The following AP4E1 variants were observed in gnomAD, a reference collection of about 807,000 sequenced individuals.
AP4E1 encodes AP-4 complex subunit epsilon-1.
Under a neutral mutation model 128.2 loss-of-function variants are expected in AP4E1, and 56 were observed. That is an observed-to-expected ratio of 0.44 (90% CI 0.35 to 0.55). The LOEUF (loss-of-function observed/expected upper bound fraction) is 0.55. AP4E1 is among the 20% of genes least tolerant of loss of function. The probability of loss-of-function intolerance (pLI) is 0.00; values close to 1 mark genes in which losing one functional copy is unlikely to be tolerated. For synonymous variants in AP4E1, 484 were observed against 473.1 expected (o/e 1.02, Z -0.30); for missense variants, 1,324 against 1,307.7 (o/e 1.01, Z -0.19).
At position 50,956,500 on chromosome 15, in the gene AP4E1, A is replaced by G. The variant is rs577100556; in HGVS notation, c.1549-1992A>G. Among the ~76,000 whole-genome samples the G allele has an allele frequency of 2.6e-5, 4 of 152,316 alleles. No homozygotes were observed. In the East Asian group the frequency reaches 5.8e-4, roughly 22 times the overall value. On this transcript the variant is annotated intron_variant, in intron 13 of 20. Coordinates refer to ENST00000261842, the MANE Select transcript of AP4E1 (RefSeq NM_007347.5). Reference sequence around the variant, plus strand: ...TCCGAGACTGGGTAATTTATAAAGAAAAGAGGTTTAGTTGACTCACAGTTC... The same window carrying G: ...TCCGAGACTGGGTAATTTATAAAGAGAAGAGGTTTAGTTGACTCACAGTTC...
At chr15:50,980,492 C>T (rs905423377) in intron 15 of AP4E1, among the ~76,000 whole-genome samples, 1 of 152,130 alleles carries the variant, frequency 6.6e-6, no homozygotes, top group African/African-American at 2.4e-5. Context: ...AAATTTTCAG[C>T]CTGGCCATGT....
intron 15 of AP4E1, among the ~76,000 whole-genome samples, chr15:50,969,677 T>A (rs1231258188): frequency 2.0e-5 from 3 of 150,902 alleles, no homozygotes; most frequent in Non-Finnish European, 4.4e-5. Flanking sequence ...TTTTTTTTTT[T>A]AGACAGAGTC....
chr15:50,925,041 G>T, intron 4 of AP4E1, 57 bp from the exon 5 acceptor site: 1 of 1,605,464 alleles, frequency 6.2e-7, no homozygotes. Context: ...TGTTGAATTT[G>T]CCATTCCTAG....
chr15:51,002,071 G>A (rs1035115035), intron 20 of AP4E1, among the ~76,000 whole-genome samples: 1 of 152,070 alleles, frequency 6.6e-6, no homozygotes, highest in Admixed American at 6.6e-5. Flanking sequence ...AGTAGAGATG[G>A]GGTTTCACCA....
intron 14 of AP4E1, among the ~76,000 whole-genome samples, chr15:50,963,728 C>T (rs1417414857): frequency 2.0e-5 from 3 of 152,138 alleles, no homozygotes; most frequent in Non-Finnish European, 4.4e-5. Context: ...ATGTTCCCAA[C>T]ACAAATGATA....
intron 8 of AP4E1, among the ~76,000 whole-genome samples, chr15:50,936,832 G>C (rs1321633702): frequency 6.6e-6 from 1 of 152,048 alleles, no homozygotes; most frequent in Non-Finnish European, 1.5e-5. Flanking sequence ...TACTCGGGAG[G>C]CTGATGCAGG....
rs758212733 is a variant in AP4E1, at chr15:50,997,382, A to G, written c.2403A>G (p.Glu801=). The G allele has an allele frequency of 6.2e-7, 1 of 1,606,044 alleles. No homozygotes were observed. The highest frequency in any genetic ancestry group is 8.5e-7 in the Non-Finnish European group (1 of 1,177,610). The change falls in exon 18 of 21, where the codon GAA becomes GAG. Residue 801 remains glutamate (E), a synonymous_variant. Transcript: ENST00000261842. Reference sequence around the variant, plus strand: ...TCAGAAGGAAATCAAAAGTCAAAGAAGCTAAAAGTGGCGAAACAACCAGTA... The same window carrying G: ...TCAGAAGGAAATCAAAAGTCAAAGAGGCTAAAAGTGGCGAAACAACCAGTA... ...HKFRRKSKVK[E]AKSGETTSTH...
At chr15:50,910,159 G>A (rs1159789588) in intron 1 of AP4E1, among the ~76,000 whole-genome samples, 1 of 152,152 alleles carries the variant, frequency 6.6e-6, no homozygotes, top group East Asian at 1.9e-4. Context: ...GCTAATTTTT[G>A]TATTTTTAGT....
intron 1 of AP4E1, among the ~76,000 whole-genome samples, chr15:50,911,613 C>T (rs1269001079): frequency 6.6e-6 from 1 of 151,310 alleles, no homozygotes; most frequent in East Asian, 1.9e-4. Context: ...CTCAGCCTCT[C>T]GAGTATCTGG....
intron 4 of AP4E1, among the ~76,000 whole-genome samples, chr15:50,924,771 A>C (rs2063749372): frequency 6.6e-6 from 1 of 152,214 alleles, no homozygotes; most frequent in Admixed American, 6.5e-5. Context: ...ATTGTTGATT[A>C]ATAAGAAAAA....
At chr15:50,911,479 A>ATT (rs536958160) in intron 1 of AP4E1, among the ~76,000 whole-genome samples, 4 of 124,690 alleles carry the variant, frequency 3.2e-5, no homozygotes, top group African/African-American at 3.2e-5. Context: ...TCCACCTTTA[A>ATT]TTTTTTTTTT....
intron 19 of AP4E1, among the ~76,000 whole-genome samples, chr15:51,000,558 G>T (rs1314082745): frequency 6.6e-6 from 1 of 152,190 alleles, no homozygotes; most frequent in Non-Finnish European, 1.5e-5. Context: ...TTGTGTGATT[G>T]TGGAGGTCTC....
At chr15:50,988,479 T>C (rs2140921652) in intron 16 of AP4E1, among the ~76,000 whole-genome samples, 2 of 152,214 alleles carry the variant, frequency 1.3e-5, no homozygotes, top group Middle Eastern at 6.8e-3. Flanking sequence ...CATACCCGGC[T>C]AATTTTTTGT....
At chr15:50,999,625 T>A (rs934770976) in intron 19 of AP4E1, among the ~76,000 whole-genome samples, 5 of 152,224 alleles carry the variant, frequency 3.3e-5, no homozygotes, top group Admixed American at 6.5e-5. Flanking sequence ...CTCATTTGTA[T>A]TTTATTCAAT....
At chr15:50,964,676 C>T (rs1420922906) in intron 14 of AP4E1, among the ~76,000 whole-genome samples, 1 of 151,462 alleles carries the variant, frequency 6.6e-6, no homozygotes, top group Non-Finnish European at 1.5e-5. Flanking sequence ...TAATAAGGTG[C>T]TTGGGCTTTG....
intron 3 of AP4E1, among the ~76,000 whole-genome samples, chr15:50,922,163 C>CCAA (rs1555454464): frequency 1.3e-5 from 1 of 79,752 alleles, no homozygotes; most frequent in East Asian, 3.3e-4. Flanking sequence ...CCTATCTCTA[C>CCAA]AAAAAAAAAA....
chr15:50,951,547 A>T (rs2140865571), intron 13 of AP4E1, among the ~76,000 whole-genome samples: 1 of 152,272 alleles, frequency 6.6e-6, no homozygotes, highest in East Asian at 1.9e-4. Flanking sequence ...GGGGAGATTT[A>T]GAGAAGTGAT....
chr15:50,915,260 C>T (rs2063615944), intron 2 of AP4E1, among the ~76,000 whole-genome samples, 188 bp from the exon 3 acceptor site: 1 of 152,134 alleles, frequency 6.6e-6, no homozygotes, highest in African/African-American at 2.4e-5. Context: ...AAAAGTAATA[C>T]TGTTGGTAAG....
intron 17 of AP4E1, among the ~76,000 whole-genome samples, chr15:50,995,732 CTG>C (rs1267955412): frequency 6.6e-6 from 1 of 151,932 alleles, no homozygotes; most frequent in African/African-American, 2.4e-5. Flanking sequence ...CAGTGCTAAA[CTG>C]TTTCTTTTCT....
Sources: gnomAD v4.1 joint callset for allele counts (sites outside exome capture counted in the v4.1 genomes callset) on GRCh38, gnomAD v4.1.1 for gene constraint, MANE v1.5 for transcripts, NCBI Gene and HGNC (gene_info 2026-07-23, HGNC 2026-07-21) for gene names.